FLNB: variants seen among roughly 807,000 people sequenced by gnomAD.
FLNB encodes the protein filamin-B.
In FLNB, 111 loss-of-function variants were observed where a neutral mutation model predicts 250.6. That is an observed-to-expected ratio of 0.44 (90% CI 0.38 to 0.52). The LOEUF (loss-of-function observed/expected upper bound fraction) is 0.52, where lower values mean the gene tolerates loss of function less well. Ranked by LOEUF, FLNB falls within the 20% of genes least tolerant of loss-of-function variation. FLNB has a pLI of 0.00. For synonymous variants in FLNB, 1,302 were observed against 1,372.1 expected (o/e 0.95, Z 1.13); for missense variants, 2,869 against 3,447.8 (o/e 0.83, Z 4.20).
At chr3:58,097,761 C>T (rs1374766223) in intron 6 of FLNB, 54 bp from the exon 7 acceptor site, 1 of 1,559,618 alleles carries the variant, frequency 6.4e-7, no homozygotes, top group Non-Finnish European at 8.8e-7. Context: ...TGATGTCAGT[C>T]TTGCTGGGCA....
intron 1 of FLNB, among the ~76,000 whole-genome samples, chr3:58,074,323 A>G (rs370058405): frequency 1.4e-4 from 21 of 152,316 alleles, no homozygotes; most frequent in African/African-American, 5.1e-4. Context: ...AATTTTGAGA[A>G]CCACTGGTCT....
At chr3:58,100,804 G>A (rs921982020) in intron 8 of FLNB, among the ~76,000 whole-genome samples, 4 of 151,586 alleles carry the variant, frequency 2.6e-5, no homozygotes, top group Non-Finnish European at 5.9e-5. Flanking sequence ...TCACTATGTT[G>A]GCCAGGCTGG....
chr3:58,021,983 G>A (rs2097114784), intron 1 of FLNB, among the ~76,000 whole-genome samples: 1 of 152,010 alleles, frequency 6.6e-6, no homozygotes, highest in Non-Finnish European at 1.5e-5. Context: ...ATGTTGCCCA[G>A]GCTGGTCTTG....
At chr3:58,016,499 T>C (rs2097105971) in intron 1 of FLNB, among the ~76,000 whole-genome samples, 1 of 149,900 alleles carries the variant, frequency 6.7e-6, no homozygotes, top group Non-Finnish European at 1.5e-5. Context: ...TGTATTTATA[T>C]ATATTTATAA....
intron 32 of FLNB, 82 bp downstream of exon 32, chr3:58,143,695 CAGG>C (rs1486487040): frequency 1.3e-6 from 2 of 1,544,170 alleles, no homozygotes; most frequent in Non-Finnish European, 1.8e-6. Context: ...AGCCGCTTTG[CAGG>C]GAGCAGCTCT....
rs75827811 is a variant in FLNB, at chr3:58,147,088, G to A, written c.5728+95G>A. On this transcript the variant is annotated intron_variant, in intron 34 of 45. Transcript: ENST00000295956. ...TCAGACCCCTGGCAGCAGGCTAGAC[G>A]TCTCTTTGAGTTTAGGTTTCACAGA... The A allele has an allele frequency of 2.0e-3, 2,522 of 1,261,392 alleles. 30 individuals are homozygous for A. In the African/African-American group the frequency reaches 0.025, roughly 12 times the overall value. The allele number at this position is 1,261,392 out of a possible 1,614,324, so 78.1% of individuals were successfully genotyped here.
chr3:58,009,342 C>A (rs1184402203), intron 1 of FLNB, among the ~76,000 whole-genome samples: 1 of 152,160 alleles, frequency 6.6e-6, no homozygotes, highest in African/African-American at 2.4e-5. Flanking sequence ...CCGTTCTCTG[C>A]GCCTGGGGCC....
chr3:58,078,949 T>A, intron 3 of FLNB, 135 bp downstream of exon 3: 1 of 680,498 alleles, frequency 1.5e-6, no homozygotes, highest in South Asian at 1.6e-5. Flanking sequence ...TGCTCTCTCA[T>A]CTTCCTCAGT....
chr3:58,046,116 C>T (rs1347020078), intron 1 of FLNB, among the ~76,000 whole-genome samples: 1 of 150,540 alleles, frequency 6.6e-6, no homozygotes, highest in Non-Finnish European at 1.5e-5. Flanking sequence ...TTCTGTTAAT[C>T]AGAATCTCAG....
chr3:58,102,484 G>A, intron 9 of FLNB, 144 bp downstream of exon 9: 1 of 965,484 alleles, frequency 1.0e-6, no homozygotes, highest in Non-Finnish European at 1.6e-6. Flanking sequence ...GGCTCCTTGG[G>A]GAAGACGGCA....
Position 58,148,366 on chromosome 3 carries a change from T to A in FLNB, c.5887+2T>A, listed in dbSNP as rs373621568. 1.2e-6 allele frequency: 2 copies of A among 1,612,816 alleles called. No individual in the cohort carries two copies. Among genetic ancestry groups the A allele is most frequent in the Non-Finnish European group, 1.7e-6 (2 of 1,179,574 alleles). ...AGAGGCTGCCCAACAACCACATTGG[T>A]GAGCTAGGCTACCCTTCCTGGCTGG... On this transcript the variant is annotated splice_donor_variant, in intron 35 of 45. Coordinates refer to ENST00000295956, the MANE Select transcript of FLNB (RefSeq NM_001457.4). LOFTEE classifies it high-confidence loss of function.
chr3:58,014,797 C>T (rs538536357), intron 1 of FLNB, among the ~76,000 whole-genome samples: 41 of 152,114 alleles, frequency 2.7e-4, no homozygotes, highest in Admixed American at 1.3e-3. Context: ...GGCGTGATCT[C>T]GGCTCACTGC....
Position 58,170,853 on chromosome 3 carries a change from G to C in FLNB, c.*91G>C. 1 of 1,238,864 alleles carries C rather than the reference G, an allele frequency of 8.1e-7. No individual in the cohort carries two copies. The highest frequency in any genetic ancestry group is 1.2e-6 in the Non-Finnish European group (1 of 862,664). The allele number at this position is 1,238,864 out of a possible 1,614,324, so 76.7% of individuals were successfully genotyped here. A position where few individuals can be genotyped will look rare whatever the true frequency, so the allele number is the denominator to read the frequency against. On this transcript the variant is annotated 3_prime_UTR_variant, in exon 46 of 46. Transcript: ENST00000295956. ...TTATACAAAGCCCTCCAGCCTGTTT[G>C]TGGGGCTGAAACCCCATCCCTAAAA...
intron 1 of FLNB, among the ~76,000 whole-genome samples, chr3:58,057,728 G>A (rs994852300): frequency 1.3e-5 from 2 of 152,204 alleles, no homozygotes; most frequent in Non-Finnish European, 2.9e-5. Context: ...GTTGGGTTAG[G>A]TTGGTTACAC....
In FLNB at chr3:58,124,508, G is replaced by A. The variant is rs1050795623; in HGVS notation, c.3898+3G>A. 9 of 1,614,040 alleles carry A rather than the reference G, an allele frequency of 5.6e-6. No individual in the cohort carries two copies. Among genetic ancestry groups the A allele is most frequent in the Admixed American group, 1.7e-5 (1 of 60,010 alleles). ...GGAATACACACCCTTTGAGAAAGGT[G>A]AGCCGCCCTGTCCTCGGACTGGACC... On this transcript the variant is annotated splice_donor_region_variant and intron_variant, in intron 22 of 45. Transcript: ENST00000295956.
chr3:58,043,761 A>G (rs778020354), intron 1 of FLNB, among the ~76,000 whole-genome samples: 20 of 152,146 alleles, frequency 1.3e-4, no homozygotes, highest in South Asian at 2.1e-4. Flanking sequence ...AGGATTTGCT[A>G]TTAGACTCCT....
intron 9 of FLNB, among the ~76,000 whole-genome samples, chr3:58,103,289 T>TGTGTGTGC (rs1231756776): frequency 1.3e-5 from 2 of 151,894 alleles, no homozygotes; most frequent in African/African-American, 4.8e-5. Flanking sequence ...TGTGTGTGTG[T>TGTGTGTGC]GTGTGCACGC....
intron 3 of FLNB, among the ~76,000 whole-genome samples, chr3:58,079,742 C>G (rs1450615856): frequency 6.6e-6 from 1 of 152,150 alleles, no homozygotes; most frequent in Non-Finnish European, 1.5e-5. Context: ...GGGAGGAAAA[C>G]CAGTGTTTTC....
At chr3:58,009,428 A>T (rs2097095163) in intron 1 of FLNB, among the ~76,000 whole-genome samples, 1 of 152,062 alleles carries the variant, frequency 6.6e-6, no homozygotes. Flanking sequence ...CCGAGGTTGC[A>T]AGGGTAGGCG....
Sources: allele counts gnomAD v4.1 joint callset (sites outside exome capture counted in the v4.1 genomes callset), GRCh38; gene constraint gnomAD v4.1.1; transcripts MANE v1.5; gene names NCBI Gene and HGNC (gene_info 2026-07-23, HGNC 2026-07-21).